CAMTA1: variants seen among roughly 807,000 people sequenced by gnomAD.
The protein encoded by CAMTA1 is calmodulin binding transcription activator 1, also known as calmodulin-binding transcription activator 1.
A neutral mutation model predicts 170.9 loss-of-function variants in CAMTA1; 27 were observed. The ratio of observed to expected loss-of-function variants is 0.16; its 90% CI spans 0.12 to 0.22. The LOEUF (loss-of-function observed/expected upper bound fraction) is 0.22, where lower values mean the gene tolerates loss of function less well. Ranked by LOEUF, CAMTA1 falls within the 10% of genes least tolerant of loss-of-function variation. CAMTA1 has a pLI of 1.00. For missense variants in CAMTA1, 1,619 were observed against 2,217.2 expected (o/e 0.73, Z 5.42); for synonymous variants, 833 against 891.5 (o/e 0.93, Z 1.17).
At chr1:7,448,401 C>G (rs1430280935) in intron 5 of CAMTA1, among the ~76,000 whole-genome samples, 1 of 152,158 alleles carries the variant, frequency 6.6e-6, no homozygotes, top group Non-Finnish European at 1.5e-5. Context: ...CTGGGGAGAA[C>G]TGGTCTCCAG....
intron 6 of CAMTA1, among the ~76,000 whole-genome samples, chr1:7,591,917 A>C (rs2095358347): frequency 6.6e-6 from 1 of 152,034 alleles, no homozygotes; most frequent in African/African-American, 2.4e-5. Context: ...TATTATTTTG[A>C]GATGGAGTTT....
intron 11 of CAMTA1, among the ~76,000 whole-genome samples, chr1:7,688,011 C>CTTTTTTTTT (rs70987364): frequency 0.045 from 4,596 of 102,548 alleles, 234 homozygotes; most frequent in East Asian, 0.1. Context: ...CTCATTATTC[C>CTTTTTTTTT]TTTTTTTTTT....
chr1:7,202,421 G>T (rs769862191), intron 4 of CAMTA1, among the ~76,000 whole-genome samples: 8 of 152,146 alleles, frequency 5.3e-5, no homozygotes, highest in Non-Finnish European at 7.4e-5. Context: ...TATCTACAAA[G>T]AAGTCAGCTG....
chr1:7,230,489 G>T (rs892660041), intron 4 of CAMTA1, among the ~76,000 whole-genome samples: 1 of 124,150 alleles, frequency 8.1e-6, no homozygotes, highest in Non-Finnish European at 1.6e-5. Flanking sequence ...CTTATCTCCC[G>T]CCATCTGGAA....
chr1:6,926,874 G>T (rs1023369377), intron 3 of CAMTA1, among the ~76,000 whole-genome samples: 10 of 151,846 alleles, frequency 6.6e-5, no homozygotes, highest in Non-Finnish European at 1.5e-4. Flanking sequence ...GGGACTACAT[G>T]CACCTGCCAC....
At chr1:7,157,434 C>A (rs1240842986) in intron 4 of CAMTA1, among the ~76,000 whole-genome samples, 5 of 150,904 alleles carry the variant, frequency 3.3e-5, no homozygotes, top group Non-Finnish European at 7.4e-5. Context: ...CATTCTTAAT[C>A]TGATAAAAGG....
Position 7,682,947 on chromosome 1 carries a change from G to A in CAMTA1, c.2914+5214G>A, listed in dbSNP as rs955016211. Among the ~76,000 whole-genome samples the A allele has an allele frequency of 6.6e-6, 1 of 152,162 alleles. No homozygotes were observed. Among genetic ancestry groups the A allele is most frequent in the African/African-American group, 2.4e-5 (1 of 41,436 alleles). ...AGCACTTTGGGAGGCCGAGGCAGGC[G>A]GATCACAAGGTCAGGAGATCGAGCC... is the stretch of plus-strand genomic sequence containing the variant. On this transcript the variant is annotated intron_variant, in intron 11 of 22. Coordinates refer to ENST00000303635, the MANE Select transcript of CAMTA1 (RefSeq NM_015215.4). The surrounding 1 kb of genome is among the most constrained non-coding windows in gnomAD (Gnocchi z 5.0).
Position 7,671,057 on chromosome 1 carries a change from G to A in CAMTA1, c.2779+20G>A. The A allele has an allele frequency of 6.2e-7, 1 of 1,611,800 alleles. No individual in the cohort carries two copies. Among genetic ancestry groups the A allele is most frequent in the Non-Finnish European group, 8.5e-7 (1 of 1,179,448 alleles). ...GCCCAGGTGAGAAAGCCGCCCCCCA[G>A]GCCCCCAAGGTGAGTGTGATGGCCT... On this transcript the variant is annotated intron_variant, in intron 10 of 22. Transcript: ENST00000303635.
At chr1:7,551,080 G>T (rs1263489634) in intron 6 of CAMTA1, among the ~76,000 whole-genome samples, 3 of 152,168 alleles carry the variant, frequency 2.0e-5, no homozygotes, top group African/African-American at 7.2e-5. Flanking sequence ...GCCTGGGAGA[G>T]CCAGTGTGAC....
In CAMTA1 at chr1:7,146,028, TTC is replaced by T. The variant is rs1646163514; in HGVS notation, c.302+54659_302+54660del. Among the ~76,000 whole-genome samples the T allele has an allele frequency of 6.6e-6, 1 of 152,220 alleles. No individual in the cohort carries two copies. Among genetic ancestry groups the T allele is most frequent in the African/African-American group, 2.4e-5 (1 of 41,458 alleles). On this transcript the variant is annotated intron_variant, in intron 4 of 22. Transcript: ENST00000303635. This position sits in a 1 kb window ranked among gnomAD's most constrained non-coding sequence, Gnocchi z 4.3. ...GGTGGTGGCATGCATGAATGATAGC[TTC>T]TATTTACTGAACACTTACTACGTGC... is the stretch of plus-strand genomic sequence containing the variant.
chr1:7,741,292 G>A lies in CAMTA1; in HGVS notation c.4182+2810G>A, dbSNP rs148411850. On this transcript the variant is annotated intron_variant, in intron 16 of 22. Transcript: ENST00000303635. ...CTAGTTAGAAATGTTGGCCGGGCGC[G>A]GTGGCTCACACCTGTAATCCCAGCA... Among the ~76,000 whole-genome samples the A allele has an allele frequency of 2.9e-3, 434 of 152,028 alleles. 1 individual carries two copies. Among genetic ancestry groups the A allele is most frequent in the African/African-American group, 9.7e-3 (402 of 41,442 alleles).
intron 5 of CAMTA1, among the ~76,000 whole-genome samples, chr1:7,261,694 A>G (rs922946877): frequency 1.3e-5 from 2 of 152,230 alleles, no homozygotes; most frequent in Non-Finnish European, 2.9e-5. Context: ...TGCTGAAGGC[A>G]TCCGGCATGT....
In CAMTA1 at chr1:7,570,114, G is replaced by A. The variant is rs1009782107; in HGVS notation, c.511-70286G>A. Among the ~76,000 whole-genome samples the A allele has an allele frequency of 2.6e-5, 4 of 152,122 alleles. No individual in the cohort carries two copies. The highest frequency in any genetic ancestry group is 5.9e-5 in the Non-Finnish European group (4 of 68,020). On this transcript the variant is annotated intron_variant, in intron 6 of 22. Coordinates refer to ENST00000303635, the MANE Select transcript of CAMTA1 (RefSeq NM_015215.4). This position sits in a 1 kb window ranked among gnomAD's most constrained non-coding sequence, Gnocchi z 4.3. ...TGGGGCCGTCTTGCTTAATTCTACC[G>A]AGACCTTGGGTGGGAGATCAGGGAT...
At chr1:7,125,876 A>G (rs941026706) in intron 4 of CAMTA1, among the ~76,000 whole-genome samples, 1 of 152,198 alleles carries the variant, frequency 6.6e-6, no homozygotes, top group Admixed American at 6.5e-5. Context: ...TCAAAGCCCC[A>G]ACGCCCAGTG....
At chr1:7,319,819 T>G (rs545806957) in intron 5 of CAMTA1, among the ~76,000 whole-genome samples, 3 of 152,332 alleles carry the variant, frequency 2.0e-5, no homozygotes, top group African/African-American at 7.2e-5. Context: ...TTTGTTAGAT[T>G]TATTCCCAAA....
intron 6 of CAMTA1, among the ~76,000 whole-genome samples, chr1:7,638,489 A>C (rs1460595353): frequency 2.0e-5 from 3 of 152,234 alleles, no homozygotes; most frequent in Middle Eastern, 3.4e-3. Flanking sequence ...AAAAATACAA[A>C]AATTAGCCGG....
chr1:7,573,470 T>C (rs528615759), intron 6 of CAMTA1, among the ~76,000 whole-genome samples: 1 of 152,300 alleles, frequency 6.6e-6, no homozygotes, highest in East Asian at 1.9e-4. Context: ...CCTAATAAAT[T>C]ACCACTGACC....
chr1:6,910,095 G>A (rs762126620), intron 3 of CAMTA1, among the ~76,000 whole-genome samples: 9 of 152,250 alleles, frequency 5.9e-5, no homozygotes, highest in Non-Finnish European at 1.3e-4. Flanking sequence ...ATATTGACTA[G>A]GTGTTTGGGT....
At chr1:6,958,852 T>A (rs1689913696) in intron 3 of CAMTA1, among the ~76,000 whole-genome samples, 1 of 152,330 alleles carries the variant, frequency 6.6e-6, no homozygotes, top group South Asian at 2.1e-4. Context: ...TATTTTTTTT[T>A]AAGCGGATAG....
Sources: gnomAD v4.1 joint callset for allele counts (sites outside exome capture counted in the v4.1 genomes callset) on GRCh38, gnomAD v4.1.1 for gene constraint, Gnocchi (gnomAD v3.1) non-coding constraint, MANE v1.5 for transcripts, NCBI Gene and HGNC (gene_info 2026-07-23, HGNC 2026-07-21) for gene names.